NR3C1: variants seen among roughly 807,000 people sequenced by gnomAD.
NR3C1 encodes the protein nuclear receptor subfamily 3 group C member 1.
A neutral mutation model predicts 74.0 loss-of-function variants in NR3C1; 14 were observed. The ratio of observed to expected loss-of-function variants is 0.19; its 90% confidence interval spans 0.12 to 0.30. The LOEUF is 0.30. Ranked by LOEUF, NR3C1 falls within the 10% of genes least tolerant of loss-of-function variation. NR3C1 has a pLI of 1.00. For synonymous variants in NR3C1, 308 were observed against 332.5 expected (o/e 0.93, Z 0.80); for missense variants, 695 against 909.8 (o/e 0.76, Z 3.04).
At chr5:143,341,765 A>C (rs1828271311) in intron 2 of NR3C1, among the ~76,000 whole-genome samples, 1 of 152,252 alleles carries the variant, frequency 6.6e-6, no homozygotes, top group Non-Finnish European at 1.5e-5. Flanking sequence ...GAAAAGACCC[A>C]CTTCAAATAC....
intron 1 of NR3C1, 42 bp from the exon 2 acceptor site, chr5:143,400,894 C>T: frequency 6.9e-7 from 1 of 1,448,870 alleles, no homozygotes; most frequent in Non-Finnish European, 9.6e-7. Context: ...ACATCATAAG[C>T]TCTAAAGTCA....
Position 143,400,752 on chromosome 5 carries a change from A to G in NR3C1, c.88T>C (p.Tyr30His), listed in dbSNP as rs143711342. The G allele has an allele frequency of 1.0e-4, 161 of 1,614,106 alleles. 1 individual carries two copies. The highest frequency in any genetic ancestry group is 1.0e-4 in the Admixed American group (6 of 60,008). The change falls in exon 2 of 9, where the codon TAT (tyrosine) becomes CAT (histidine). Residue 30 changes from tyrosine to histidine, a missense_variant. Transcript: ENST00000394464. ...GTAGCTCCTCCTCTTAGGGTTTTATAGAAGTCCATCACATCTCCCCTCTCC... is the reference window on the plus strand; with the variant it reads ...GTAGCTCCTCCTCTTAGGGTTTTATGGAAGTCCATCACATCTCCCCTCTCC... ...AQERGDVMDFYKTLRGGATVK... is the reference protein window; with the variant it reads ...AQERGDVMDFHKTLRGGATVK...
In NR3C1 at chr5:143,300,301, G is replaced by A. The variant is rs1038794454; in HGVS notation, c.1747+184C>T. On this transcript the variant is annotated intron_variant, in intron 5 of 8. Transcript: ENST00000394464. This position sits in a 1 kb window ranked among gnomAD's most constrained non-coding sequence, Gnocchi z 5.2. ...TGCATAATGATTTGAAAAGCAGGGA[G>A]TAATGTAAATGTTTTATTATAAACT... Among the ~76,000 whole-genome samples the A allele has an allele frequency of 1.3e-5, 2 of 152,170 alleles. No homozygotes were observed. Among genetic ancestry groups the A allele is most frequent in the Non-Finnish European group, 2.9e-5 (2 of 68,026 alleles).
At chr5:143,364,573 A>G (rs951743622) in intron 2 of NR3C1, among the ~76,000 whole-genome samples, 1 of 152,234 alleles carries the variant, frequency 6.6e-6, no homozygotes, top group Non-Finnish European at 1.5e-5. Flanking sequence ...TTAAATCTAC[A>G]TTGATAAACA....
At chr5:143,415,901 AAATC>A (rs1841460550) in intron 1 of NR3C1, among the ~76,000 whole-genome samples, 1 of 152,220 alleles carries the variant, frequency 6.6e-6, no homozygotes, top group African/African-American at 2.4e-5. Context: ...ATTCTAGAAA[AAATC>A]AATTAGAGCA....
rs1813070757 is a variant in NR3C1, at chr5:143,281,406, C to G, written c.*483G>C. On this transcript the variant is annotated 3_prime_UTR_variant, in exon 9 of 9. Coordinates refer to ENST00000394464, the MANE Select transcript of NR3C1 (RefSeq NM_000176.3). Reference sequence around the variant, plus strand: ...AATAGCTATAAAAGGCACAACTTCCCTTTTCTGATATACACTTGTAAACTT... The same window carrying G: ...AATAGCTATAAAAGGCACAACTTCCGTTTTCTGATATACACTTGTAAACTT... 1.9e-5 allele frequency: 3 copies of G among 160,120 alleles called. No homozygotes were observed. The South Asian group carries it at 5.2e-4, about 28-fold the overall frequency. 9.9% of individuals were successfully genotyped at this position (160,120 alleles called of 1,614,324 possible).
chr5:143,411,135 G>A (rs1012147926), intron 1 of NR3C1, among the ~76,000 whole-genome samples: 54 of 152,144 alleles, frequency 3.5e-4, no homozygotes, highest in Admixed American at 2.9e-3. Flanking sequence ...ATGATGCAGC[G>A]TATCCCTTCC....
chr5:143,311,639 C>T (rs553643559), intron 3 of NR3C1, among the ~76,000 whole-genome samples: 1 of 152,206 alleles, frequency 6.6e-6, no homozygotes, highest in African/African-American at 2.4e-5. Flanking sequence ...TTCATTCATT[C>T]CTTGACTCAT....
intron 2 of NR3C1, among the ~76,000 whole-genome samples, chr5:143,341,965 C>A (rs1014767003): frequency 1.3e-5 from 2 of 152,208 alleles, no homozygotes; most frequent in Non-Finnish European, 2.9e-5. Context: ...CTCACTTCTA[C>A]TGGTGCTTGT....
At chr5:143,344,241 T>C (rs978020654) in intron 2 of NR3C1, among the ~76,000 whole-genome samples, 6 of 152,220 alleles carry the variant, frequency 3.9e-5, no homozygotes, top group Non-Finnish European at 7.3e-5. Flanking sequence ...ACCCATATCG[T>C]ACAAAAGTTT....
intron 7 of NR3C1, chr5:143,293,987 T>C (rs1332635357): frequency 4.1e-6 from 4 of 985,200 alleles, no homozygotes; most frequent in Non-Finnish European, 4.8e-6. Flanking sequence ...CTTTAACAAG[T>C]GTACCGCTAC....
intron 1 of NR3C1, among the ~76,000 whole-genome samples, chr5:143,424,981 G>T (rs144280400): frequency 1.3e-5 from 2 of 152,070 alleles, no homozygotes; most frequent in South Asian, 4.1e-4. Context: ...CTCACAAAAC[G>T]TACTACTACT....
upstream of NR3C1, chr5:143,404,564 A>C (rs3806855): frequency 0.16 from 149,284 of 961,670 alleles, 11,938 homozygotes; most frequent in African/African-American, 0.18. Flanking sequence ...GCGGCGGCAG[A>C]AGGAGGCGCC....
At chr5:143,302,429 T>C (rs1818690919) in intron 4 of NR3C1, among the ~76,000 whole-genome samples, 1 of 152,010 alleles carries the variant, frequency 6.6e-6, no homozygotes, top group South Asian at 2.1e-4. Flanking sequence ...TGATCCAAAA[T>C]CATAAAATGT....
intron 2 of NR3C1, among the ~76,000 whole-genome samples, chr5:143,397,319 A>C (rs939654407): frequency 2.0e-5 from 3 of 151,980 alleles, no homozygotes; most frequent in African/African-American, 7.2e-5. Flanking sequence ...GTCAGTATTC[A>C]AGTTGTGGTC....
intron 7 of NR3C1, among the ~76,000 whole-genome samples, chr5:143,291,083 T>C (rs1416760918): frequency 6.6e-6 from 1 of 152,154 alleles, no homozygotes; most frequent in Admixed American, 6.5e-5. Flanking sequence ...TTGTCATCCT[T>C]GAAACTTACT....
At chr5:143,298,587 A>G (rs1817807473) in intron 6 of NR3C1, 81 bp downstream of exon 6, 11 of 1,442,646 alleles carry the variant, frequency 7.6e-6, no homozygotes, top group Non-Finnish European at 9.7e-6. Context: ...CTGAATTATC[A>G]CAATAGCAGT....
chr5:143,345,453 G>A (rs771480403), intron 2 of NR3C1, among the ~76,000 whole-genome samples: 4 of 152,096 alleles, frequency 2.6e-5, no homozygotes, highest in Admixed American at 6.5e-5. Context: ...CCAGTGACCC[G>A]CCTGCCTTGG....
intron 7 of NR3C1, among the ~76,000 whole-genome samples, chr5:143,289,696 CA>C (rs1815398244): frequency 6.6e-6 from 1 of 151,924 alleles, no homozygotes; most frequent in Admixed American, 6.6e-5. Flanking sequence ...AAAAAATGGG[CA>C]AAAGATTAAA....
Sources: allele counts gnomAD v4.1 joint callset (sites outside exome capture counted in the v4.1 genomes callset), GRCh38; gene constraint gnomAD v4.1.1; non-coding constraint Gnocchi (gnomAD v3.1); transcripts MANE v1.5; gene names NCBI Gene and HGNC (gene_info 2026-07-23, HGNC 2026-07-21).